Variants in SCN9A observed in about 807,000 individuals in gnomAD.
The protein encoded by SCN9A is sodium channel protein type 9 subunit alpha.
Under a neutral mutation model 187.0 loss-of-function variants are expected in SCN9A, and 131 were observed. The ratio of observed to expected loss-of-function variants is 0.70; its 90% CI spans 0.61 to 0.81. The LOEUF is 0.81. Among genes scored for constraint, SCN9A ranks in the 30% least tolerant of loss-of-function variants. SCN9A has a pLI of 0.00. For synonymous variants in SCN9A, 809 were observed against 808.6 expected (o/e 1.00, Z -0.01); for missense variants, 2,252 against 2,396.6 (o/e 0.94, Z 1.26).
chr2:166,228,358 G>A lies in SCN9A; in HGVS notation c.4206+333C>T, dbSNP rs545844738. 5.9e-4 allele frequency among the ~76,000 whole-genome samples: 86 copies of A among 145,918 alleles called. No homozygotes were observed. The Middle Eastern group carries it at 0.015, about 25-fold the overall frequency. ...TGCAACCTCCGCCTCCCAGGTTCAC[G>A]TGATTCTCCTGCCTCAGCCTCCCAA... On this transcript the variant is annotated intron_variant, in intron 22 of 26. Transcript: ENST00000642356.
At chr2:166,226,815 TTTA>T in intron 23 of SCN9A, 111 bp from the exon 24 acceptor site, 2 of 682,660 alleles carry the variant, frequency 2.9e-6, no homozygotes, top group Non-Finnish European at 2.2e-6. Flanking sequence ...AAACATAGGA[TTTA>T]AGAAGCCATA....
In SCN9A at chr2:166,263,314, T is replaced by A. The variant is rs1330681593; in HGVS notation, c.3351+9085A>T. ...TTTCGTTCCTGAAAACACTTCTCAG[T>A]AAATCTCAGATTTCTCTCTCAGGAT... On this transcript the variant is annotated intron_variant, in intron 17 of 26. Coordinates refer to ENST00000642356, the MANE Select transcript of SCN9A (RefSeq NM_001365536.1). 2.6e-5 allele frequency among the ~76,000 whole-genome samples: 4 copies of A among 152,138 alleles called. No individual in the cohort carries two copies. In the East Asian group the frequency reaches 5.8e-4, roughly 22 times the overall value.
At chr2:166,327,848 CCAG>C (rs1461416490) in intron 1 of SCN9A, among the ~76,000 whole-genome samples, 13 of 152,284 alleles carry the variant, frequency 8.5e-5, no homozygotes, top group Admixed American at 7.8e-4. Context: ...ATAACTCTCC[CCAG>C]ACCTCTAGCC....
chr2:166,317,295 A>G (rs1057357897), intron 1 of SCN9A, among the ~76,000 whole-genome samples: 1 of 151,962 alleles, frequency 6.6e-6, no homozygotes, highest in Non-Finnish European at 1.5e-5. Flanking sequence ...ATCAATATTT[A>G]TTCTTGTCAT....
intron 17 of SCN9A, among the ~76,000 whole-genome samples, chr2:166,256,169 G>T: frequency 6.6e-6 from 1 of 150,906 alleles, no homozygotes. Flanking sequence ...AATCATTCAG[G>T]GCCTTTATTT....
intron 26 of SCN9A, among the ~76,000 whole-genome samples, chr2:166,200,478 C>G (rs1693454870): frequency 6.6e-6 from 1 of 151,980 alleles, no homozygotes; most frequent in African/African-American, 2.4e-5. Context: ...AAAATTCAAG[C>G]AATACCGTTA....
chr2:166,374,165 C>T (rs1345211474), intron 1 of SCN9A, among the ~76,000 whole-genome samples: 2 of 152,180 alleles, frequency 1.3e-5, no homozygotes, highest in African/African-American at 2.4e-5. Flanking sequence ...TCTGTAGAAG[C>T]ATCAGGTACT....
intron 1 of SCN9A, among the ~76,000 whole-genome samples, chr2:166,358,065 T>C (rs902193822): frequency 6.7e-5 from 10 of 150,306 alleles, no homozygotes; most frequent in African/African-American, 2.2e-4. Flanking sequence ...TTTATTTATT[T>C]ATTTATTTAT....
At chr2:166,308,843 G>A (rs1362700496) in intron 2 of SCN9A, among the ~76,000 whole-genome samples, 3 of 147,166 alleles carry the variant, frequency 2.0e-5, no homozygotes, top group Non-Finnish European at 3.0e-5. Context: ...GGAGAATGGC[G>A]TGAACCCGGG....
intron 19 of SCN9A, among the ~76,000 whole-genome samples, chr2:166,240,222 A>T (rs530429290): frequency 4.6e-5 from 7 of 152,312 alleles, no homozygotes; most frequent in African/African-American, 1.7e-4. Flanking sequence ...CTAAAAGAAG[A>T]TTCTGAAACA....
At position 166,242,620 on chromosome 2, in the gene SCN9A, A is replaced by G. The variant is rs73019664; in HGVS notation, c.3509T>C (p.Ile1170Thr). The change falls in exon 19 of 27, where the codon ATA becomes ACA. Residue 1170 changes from isoleucine (I) to threonine (T), a missense_variant. By Grantham distance (89) the Ile-to-Thr change is moderately conservative. Transcript: ENST00000642356. ...VWRFSCCQVN[I>T]ESGKGKIWWN... ...CCAGATTTTTCCTTTCCCTGACTCT[A>G]TGTTAACTTGGCAGCATGAGAACCT... is the stretch of plus-strand genomic sequence containing the variant. 2.6e-4 allele frequency: 398 copies of G among 1,553,390 alleles called. 1 individual carries two copies. The African/African-American group carries it at 3.8e-3, about 15-fold the overall frequency.
rs189619842 is a variant in SCN9A at position 166,202,206 on chromosome 2, T to G, written c.4774+1749A>C. 2.6e-5 allele frequency among the ~76,000 whole-genome samples: 4 copies of G among 151,854 alleles called. No homozygotes were observed. In the East Asian group the frequency reaches 7.7e-4, roughly 29 times the overall value. ...GTGCAGTCATTTCTTCTTCATTTTT[T>G]TTTTTGGCTTTACAAATTTGTGTTT... is the stretch of plus-strand genomic sequence containing the variant. On this transcript the variant is annotated intron_variant, in intron 26 of 26. Transcript: ENST00000642356.
At chr2:166,219,568 G>C (rs923031656) in intron 24 of SCN9A, among the ~76,000 whole-genome samples, 4 of 151,996 alleles carry the variant, frequency 2.6e-5, no homozygotes, top group African/African-American at 9.7e-5. Context: ...GGGGCCTATG[G>C]GAGGGTGAAG....
intron 5 of SCN9A, among the ~76,000 whole-genome samples, chr2:166,305,297 G>T (rs1238492747): frequency 6.6e-6 from 1 of 151,974 alleles, no homozygotes; most frequent in African/African-American, 2.4e-5. Flanking sequence ...TAAACTGAGT[G>T]TATATATAAT....
At chr2:166,287,996 A>G (rs1697853102) in intron 10 of SCN9A, among the ~76,000 whole-genome samples, 1 of 147,164 alleles carries the variant, frequency 6.8e-6, no homozygotes, top group Non-Finnish European at 1.5e-5. Context: ...TTGAGATTAT[A>G]TATATATTAT....
intron 1 of SCN9A, among the ~76,000 whole-genome samples, chr2:166,369,842 T>A (rs969978794): frequency 9.9e-5 from 15 of 152,172 alleles, no homozygotes; most frequent in Non-Finnish European, 2.2e-4. Flanking sequence ...ATATAAATTT[T>A]AATTTTTTTG....
chr2:166,271,122 T>G (rs957446419), intron 17 of SCN9A, among the ~76,000 whole-genome samples: 3 of 152,062 alleles, frequency 2.0e-5, no homozygotes, highest in Non-Finnish European at 4.4e-5. Flanking sequence ...ACAGTACTAT[T>G]TGATGCATAC....
At chr2:166,233,495 A>G in intron 20 of SCN9A, 33 bp from the exon 21 acceptor site, 7 of 1,522,764 alleles carry the variant, frequency 4.6e-6, no homozygotes, top group Non-Finnish European at 6.1e-6. Flanking sequence ...AATTGTGTCA[A>G]TAAAATGATG....
intron 17 of SCN9A, among the ~76,000 whole-genome samples, chr2:166,258,574 G>C (rs997722060): frequency 6.6e-5 from 10 of 151,488 alleles, no homozygotes; most frequent in Non-Finnish European, 1.3e-4. Flanking sequence ...ATAACTAACA[G>C]TGCATAAAAC....
Sources: gnomAD v4.1 joint callset for allele counts (sites outside exome capture counted in the v4.1 genomes callset) on GRCh38, gnomAD v4.1.1 for gene constraint, MANE v1.5 for transcripts, NCBI Gene and HGNC (gene_info 2026-07-23, HGNC 2026-07-21) for gene names.